TEAD1: variants seen among roughly 807,000 people sequenced by gnomAD.
The protein encoded by TEAD1 is transcriptional enhancer factor TEF-1.
A neutral mutation model predicts 54.9 loss-of-function variants in TEAD1; 9 were observed. The ratio of observed to expected loss-of-function variants is 0.16; its 90% confidence interval spans 0.10 to 0.29. The LOEUF (loss-of-function observed/expected upper bound fraction) is 0.29, where lower values mean the gene tolerates loss of function less well. Ranked by LOEUF, TEAD1 falls within the 10% of genes least tolerant of loss-of-function variation. TEAD1 has a pLI of 1.00. For synonymous variants in TEAD1, 200 were observed against 187.8 expected (o/e 1.07, Z -0.53); for missense variants, 387 against 535.9 (o/e 0.72, Z 2.74).
At chr11:12,875,919 A>T (rs1224563525) in intron 5 of TEAD1, among the ~76,000 whole-genome samples, 2 of 152,266 alleles carry the variant, frequency 1.3e-5, no homozygotes, top group Admixed American at 1.3e-4. Flanking sequence ...TTAGGCAGTA[A>T]TGTGCAACTT....
chr11:12,708,505 A>G (rs189869987), intron 2 of TEAD1, among the ~76,000 whole-genome samples: 11 of 152,196 alleles, frequency 7.2e-5, no homozygotes, highest in African/African-American at 1.9e-4. Context: ...CAAATTTCAT[A>G]TGTGATTGGC....
chr11:12,688,531 C>T (rs991589409), intron 2 of TEAD1, among the ~76,000 whole-genome samples: 1 of 152,152 alleles, frequency 6.6e-6, no homozygotes, highest in Non-Finnish European at 1.5e-5. Context: ...TTCTTAAATT[C>T]TTCCTAGGTG....
chr11:12,801,594 C>A (rs1426254897), intron 3 of TEAD1, among the ~76,000 whole-genome samples: 1 of 152,186 alleles, frequency 6.6e-6, no homozygotes. Flanking sequence ...AAGGGGTTTT[C>A]ACAGATAGTG....
In TEAD1 at chr11:12,944,082, GGTCT is replaced by G. The variant is rs1319077168; in HGVS notation, c.*6863_*6866del. The stretch of plus-strand genomic sequence containing the variant: ...CTAAATGACTTAATGGGATTCTCAC[GGTCT>G]GTGTCTTTGTGTCACGTGTATAAAA... On this transcript the variant is annotated 3_prime_UTR_variant, in exon 13 of 13. Transcript: ENST00000527636. 22 of 152,464 alleles carry G rather than the reference GGTCT, an allele frequency of 1.4e-4. No individual in the cohort carries two copies. The highest frequency in any genetic ancestry group is 1.8e-4 in the Non-Finnish European group (12 of 68,002). 9.4% of individuals were successfully genotyped at this position (152,464 alleles called of 1,614,324 possible).
chr11:12,786,652 T>C (rs1020026111), intron 3 of TEAD1, among the ~76,000 whole-genome samples: 2 of 152,186 alleles, frequency 1.3e-5, no homozygotes, highest in African/African-American at 4.8e-5. Flanking sequence ...TAGATGCTTA[T>C]TGAGTGCCAA....
intron 3 of TEAD1, among the ~76,000 whole-genome samples, chr11:12,834,839 A>T (rs1946854917): frequency 6.6e-6 from 1 of 151,436 alleles, no homozygotes; most frequent in African/African-American, 2.4e-5. Context: ...CTGGTCTCAA[A>T]TTCTTGGCCT....
chr11:12,866,042 G>A (rs775749177), intron 5 of TEAD1, among the ~76,000 whole-genome samples: 1 of 152,178 alleles, frequency 6.6e-6, no homozygotes, highest in African/African-American at 2.4e-5. Flanking sequence ...AAGTGATTAG[G>A]AAGGAGCATT....
intron 2 of TEAD1, among the ~76,000 whole-genome samples, chr11:12,707,114 C>CTTTTTT (rs11366620): frequency 1.3e-5 from 1 of 76,280 alleles, no homozygotes; most frequent in Non-Finnish European, 2.5e-5. Context: ...ACTTGTGGGA[C>CTTTTTT]TTTTTTTTTT....
chr11:12,751,035 G>A (rs1297075069), intron 2 of TEAD1, among the ~76,000 whole-genome samples: 1 of 152,210 alleles, frequency 6.6e-6, no homozygotes, highest in African/African-American at 2.4e-5. Flanking sequence ...ACTGGGCTGG[G>A]TGAGGTGGTT....
chr11:12,768,566 T>C (rs760031805), intron 3 of TEAD1, among the ~76,000 whole-genome samples: 1 of 152,184 alleles, frequency 6.6e-6, no homozygotes, highest in Non-Finnish European at 1.5e-5. Flanking sequence ...CCAATATAAA[T>C]GGTATAGCTA....
At chr11:12,783,794 G>A (rs1204273660) in intron 3 of TEAD1, among the ~76,000 whole-genome samples, 4 of 152,208 alleles carry the variant, frequency 2.6e-5, no homozygotes, top group African/African-American at 9.7e-5. Context: ...AGGCTGGTAA[G>A]CATGTGGGAT....
Position 12,855,709 on chromosome 11 carries a change from C to T in TEAD1, c.203-6541C>T, listed in dbSNP as rs111657613. Among the ~76,000 whole-genome samples, 499 of 151,736 alleles carry T rather than the reference C, an allele frequency of 3.3e-3. 2 individuals are homozygous for T. The highest frequency in any genetic ancestry group is 4.1e-3 in the Non-Finnish European group (276 of 67,878). Reference sequence around the variant, plus strand: ...CTGTAATCCCAGCACTTTGGGAGGCCAAGGCAGGAGGATCACTTGAGGCTA... The same window carrying T: ...CTGTAATCCCAGCACTTTGGGAGGCTAAGGCAGGAGGATCACTTGAGGCTA... On this transcript the variant is annotated intron_variant, in intron 3 of 12. Transcript: ENST00000527636.
chr11:12,927,512 T>C lies in TEAD1; in HGVS notation c.1014+2460T>C, dbSNP rs185595556. On this transcript the variant is annotated intron_variant, in intron 11 of 12. Coordinates refer to ENST00000527636, the MANE Select transcript of TEAD1 (RefSeq NM_021961.6). ...GCTCACTATTCTTTTTCATATATTT[T>C]CTAAGCTAGTAACCAACATTTATTC... Among the ~76,000 whole-genome samples the C allele has an allele frequency of 1.2e-4, 19 of 152,362 alleles. No individual in the cohort carries two copies. In the East Asian group the frequency reaches 3.7e-3, roughly 29 times the overall value.
At chr11:12,685,929 C>T (rs1943323281) in intron 2 of TEAD1, among the ~76,000 whole-genome samples, 1 of 152,176 alleles carries the variant, frequency 6.6e-6, no homozygotes, top group Non-Finnish European at 1.5e-5. Flanking sequence ...TCAGGCTCTG[C>T]TCTACCTAGC....
chr11:12,903,363 C>G (rs1242443383), intron 10 of TEAD1, among the ~76,000 whole-genome samples: 2 of 152,194 alleles, frequency 1.3e-5, no homozygotes, highest in Non-Finnish European at 2.9e-5. Flanking sequence ...GAACCTTACA[C>G]AACAAAGCCC....
At chr11:12,782,318 A>G (rs988719466) in intron 3 of TEAD1, among the ~76,000 whole-genome samples, 2 of 152,242 alleles carry the variant, frequency 1.3e-5, no homozygotes, top group African/African-American at 4.8e-5. Context: ...TATGGATGAC[A>G]CTTGAAAACT....
chr11:12,746,181 A>G (rs1254345348), intron 2 of TEAD1, among the ~76,000 whole-genome samples: 2 of 152,224 alleles, frequency 1.3e-5, no homozygotes, highest in Non-Finnish European at 2.9e-5. Flanking sequence ...GCATTCTTGC[A>G]CGAGAGTAGC....
At chr11:12,681,068 T>C (rs1943210666) in intron 2 of TEAD1, among the ~76,000 whole-genome samples, 1 of 152,210 alleles carries the variant, frequency 6.6e-6, no homozygotes, top group African/African-American at 2.4e-5. Context: ...GGCTGCCTTT[T>C]CATCTCAAAG....
At chr11:12,727,371 G>C (rs542907236) in intron 2 of TEAD1, among the ~76,000 whole-genome samples, 100 of 152,322 alleles carry the variant, frequency 6.6e-4, no homozygotes, top group African/African-American at 2.3e-3. Flanking sequence ...GTTTTAGAAT[G>C]AAGAGCTGTG....
Sources: gnomAD v4.1 joint callset for allele counts (sites outside exome capture counted in the v4.1 genomes callset) on GRCh38, gnomAD v4.1.1 for gene constraint, MANE v1.5 for transcripts, NCBI Gene and HGNC (gene_info 2026-07-23, HGNC 2026-07-21) for gene names.